Variants in CSMD3 observed in about 807,000 individuals in gnomAD.
CSMD3 encodes the protein CUB and sushi domain-containing protein 3.
Under a neutral mutation model 435.2 loss-of-function variants are expected in CSMD3, and 177 were observed. That is an observed-to-expected ratio of 0.41 (90% CI 0.36 to 0.46). CSMD3 has a LOEUF of 0.46. Ranked by LOEUF, CSMD3 falls within the 20% of genes least tolerant of loss-of-function variation. The probability of loss-of-function intolerance (pLI) is 0.34; values close to 1 mark genes in which losing one functional copy is unlikely to be tolerated. For missense variants in CSMD3, 4,265 were observed against 4,504.6 expected, an observed-to-expected ratio of 0.95 and a Z score of 1.52; for synonymous variants, 1,656 against 1,520.5, an observed-to-expected ratio of 1.09 and a Z score of -2.07.
intron 13 of CSMD3, among the ~76,000 whole-genome samples, chr8:112,765,361 G>A (rs895625199): frequency 7.3e-5 from 11 of 151,562 alleles, no homozygotes; most frequent in African/African-American, 2.7e-4. Context: ...ATTAGTGAGA[G>A]TCAATGCAGG....
chr8:112,943,688 T>C (rs909983540), intron 9 of CSMD3, among the ~76,000 whole-genome samples: 11 of 151,886 alleles, frequency 7.2e-5, no homozygotes, highest in African/African-American at 2.2e-4. Context: ...GTGATTTCCA[T>C]ATCTTATATG....
At chr8:112,343,017 T>TTATATATATATATATTTA (rs1825321097) in intron 41 of CSMD3, among the ~76,000 whole-genome samples, 3 of 52,548 alleles carry the variant, frequency 5.7e-5, no homozygotes, top group African/African-American at 1.5e-4. Context: ...ATATATATAT[T>TTATATATATATATATTTA]TATATATATA....
In CSMD3 at chr8:113,355,720, T is replaced by TATATATA. The variant is rs1563737793; in HGVS notation, c.179-40928_179-40927insTATATAT. On this transcript the variant is annotated intron_variant, in intron 1 of 70. Coordinates refer to ENST00000297405, the MANE Select transcript of CSMD3 (RefSeq NM_198123.2). Reference sequence around the variant, plus strand: ...AATAAATAACTCTTAAAAGTTTTATTTTTATATATATATATATATATATAT... The same window carrying TATATATA: ...AATAAATAACTCTTAAAAGTTTTATTATATATATTTATATATATATATATATATATAT... Among the ~76,000 whole-genome samples, 443 of 72,298 alleles carry TATATATA rather than the reference T, an allele frequency of 6.1e-3. 6 individuals carry two copies. Among genetic ancestry groups the TATATATA allele is most frequent in the Middle Eastern group, 0.015 (1 of 66 alleles). The allele number at this position is 72,298 out of a possible 152,430, so 47.4% of individuals were successfully genotyped here.
At chr8:112,924,470 A>T (rs1281870501) in intron 9 of CSMD3, among the ~76,000 whole-genome samples, 1 of 152,104 alleles carries the variant, frequency 6.6e-6, no homozygotes, top group Non-Finnish European at 1.5e-5. Context: ...GTCACAGATG[A>T]TTATGATATT....
intron 61 of CSMD3, chr8:112,255,760 G>A (rs931148688): frequency 3.2e-6 from 1 of 308,026 alleles, no homozygotes; most frequent in African/African-American, 2.2e-5. Flanking sequence ...GTGGAGTATA[G>A]CCTTGAAAAA....
At chr8:112,695,495 AAT>A (rs2076231334) in intron 13 of CSMD3, among the ~76,000 whole-genome samples, 1 of 152,210 alleles carries the variant, frequency 6.6e-6, no homozygotes, top group South Asian at 2.1e-4. Flanking sequence ...TGATTATCTC[AAT>A]AGATGCAGAA....
intron 5 of CSMD3, among the ~76,000 whole-genome samples, chr8:113,091,953 C>A (rs191787920): frequency 6.6e-6 from 1 of 151,948 alleles, no homozygotes; most frequent in Non-Finnish European, 1.5e-5. Flanking sequence ...TTCTGTATCA[C>A]ATAGGTTTTG....
At position 112,492,506 on chromosome 8, in the gene CSMD3, G is replaced by A. The variant is rs765668782; in HGVS notation, c.5261C>T (p.Ala1754Val). The change falls in exon 31 of 71, where the codon GCC becomes GTC. Residue 1754 changes from alanine (A) to valine (V), a missense_variant. Physicochemically the swap from Ala to Val is moderately conservative, Grantham distance 64 (BLOSUM62 0). Around this residue, in one of 3 missense-constraint regions of CSMD3, gnomAD observed 3,255 missense variants for 3,380.2 expected, o/e 0.96. Transcript: ENST00000297405. ...GDDGRPGWNRALPSCHAPCGS... is the reference protein window; with the variant it reads ...GDDGRPGWNRVLPSCHAPCGS... ...TTCCTTACCATGACAACTTGGCAAGGCTCTATTCCATCCAGGTCTTCCATC... is the reference window on the plus strand; with the variant it reads ...TTCCTTACCATGACAACTTGGCAAGACTCTATTCCATCCAGGTCTTCCATC... The A allele has an allele frequency of 3.7e-6, 6 of 1,613,596 alleles. No individual in the cohort carries two copies. In the East Asian group the frequency reaches 1.1e-4, roughly 30 times the overall value.
chr8:112,519,861 T>C (rs767781131), intron 27 of CSMD3, among the ~76,000 whole-genome samples: 2 of 152,134 alleles, frequency 1.3e-5, no homozygotes, highest in Non-Finnish European at 2.9e-5. Flanking sequence ...ATAAAAGTCA[T>C]AAAGCCTTTG....
At chr8:113,363,589 G>A (rs1162945551) in intron 1 of CSMD3, among the ~76,000 whole-genome samples, 2 of 152,122 alleles carry the variant, frequency 1.3e-5, no homozygotes, top group Non-Finnish European at 2.9e-5. Flanking sequence ...CTGCTGGCTT[G>A]CTTTCGTGGC....
At chr8:112,560,698 G>A (rs1310378228) in intron 24 of CSMD3, among the ~76,000 whole-genome samples, 1 of 151,540 alleles carries the variant, frequency 6.6e-6, no homozygotes, top group East Asian at 1.9e-4. Flanking sequence ...AGTCAAACAG[G>A]TCAGTCTCTC....
chr8:113,009,149 G>A (rs1022349969), intron 6 of CSMD3, among the ~76,000 whole-genome samples: 5 of 151,686 alleles, frequency 3.3e-5, no homozygotes, highest in African/African-American at 1.2e-4. Flanking sequence ...CTGCAAAGGA[G>A]TCTAGAACCA....
intron 1 of CSMD3, among the ~76,000 whole-genome samples, chr8:113,332,959 A>G (rs1332666137): frequency 6.6e-6 from 1 of 151,808 alleles, no homozygotes; most frequent in Non-Finnish European, 1.5e-5. Flanking sequence ...AATTGAGTCC[A>G]TAAATATAGT....
intron 1 of CSMD3, among the ~76,000 whole-genome samples, chr8:113,358,280 A>G (rs975425706): frequency 8.5e-5 from 13 of 152,248 alleles, no homozygotes; most frequent in African/African-American, 2.4e-5. Context: ...GATTTAAAAC[A>G]AAGAAATACT....
chr8:112,732,908 C>T (rs1354695549), intron 13 of CSMD3, among the ~76,000 whole-genome samples: 1 of 151,970 alleles, frequency 6.6e-6, no homozygotes, highest in Non-Finnish European at 1.5e-5. Flanking sequence ...ATCACAACTA[C>T]CAAACTTATA....
At chr8:112,336,492 G>A (rs946384048) in intron 44 of CSMD3, among the ~76,000 whole-genome samples, 160 bp downstream of exon 44, 7 of 151,994 alleles carry the variant, frequency 4.6e-5, no homozygotes, top group Admixed American at 1.3e-4. Flanking sequence ...TTTCTCTTGT[G>A]TATGTAATTC....
At chr8:112,414,878 GA>G (rs2130182879) in intron 32 of CSMD3, among the ~76,000 whole-genome samples, 1 of 152,276 alleles carries the variant, frequency 6.6e-6, no homozygotes, top group South Asian at 2.1e-4. Context: ...CCCTGTGCTA[GA>G]GATGTGTGGA....
At chr8:112,787,141 C>T (rs2078564957) in intron 13 of CSMD3, among the ~76,000 whole-genome samples, 1 of 152,084 alleles carries the variant, frequency 6.6e-6, no homozygotes, top group Admixed American at 6.6e-5. Flanking sequence ...CATTGATGGG[C>T]ATTTGGGTTG....
intron 41 of CSMD3, among the ~76,000 whole-genome samples, chr8:112,342,921 A>G (rs1176462749): frequency 1.4e-5 from 2 of 143,604 alleles, no homozygotes; most frequent in Admixed American, 7.4e-5. Context: ...CATTTTCCAA[A>G]ATTGTTTCAT....
Sources: allele counts gnomAD v4.1 joint callset (sites outside exome capture counted in the v4.1 genomes callset), GRCh38; gene constraint gnomAD v4.1.1; regional missense constraint gnomAD v4.1.1; transcripts MANE v1.5; gene names NCBI Gene and HGNC (gene_info 2026-07-23, HGNC 2026-07-21).